Variants in DIAPH3 observed in about 807,000 individuals in gnomAD.
DIAPH3 encodes the protein diaphanous related formin 3.
Under a neutral mutation model 144.3 loss-of-function variants are expected in DIAPH3, and 117 were observed. That is an observed-to-expected ratio of 0.81 (90% confidence interval 0.70 to 0.95). The LOEUF is 0.95. Among genes scored for constraint, DIAPH3 ranks in the 40% least tolerant of loss-of-function variants. The pLI is 0.00. For synonymous variants in DIAPH3, 519 were observed against 488.9 expected, an observed-to-expected ratio of 1.06 and a Z score of -0.81; for missense variants, 1,421 against 1,412.7, an observed-to-expected ratio of 1.01 and a Z score of -0.09.
At chr13:59,708,741 T>C (rs1209144056) in intron 27 of DIAPH3, among the ~76,000 whole-genome samples, 1 of 152,190 alleles carries the variant, frequency 6.6e-6, no homozygotes, top group African/African-American at 2.4e-5. Context: ...ATTTACCTAC[T>C]GGCAATCCCC....
intron 4 of DIAPH3, among the ~76,000 whole-genome samples, chr13:60,052,121 T>C (rs2056374807): frequency 6.6e-6 from 1 of 152,008 alleles, no homozygotes; most frequent in East Asian, 1.9e-4. Flanking sequence ...AACAAACTGA[T>C]GGTATGTGTG....
chr13:59,918,372 A>G (rs1254276429), intron 18 of DIAPH3, among the ~76,000 whole-genome samples: 1 of 152,144 alleles, frequency 6.6e-6, no homozygotes, highest in African/African-American at 2.4e-5. Flanking sequence ...ATCTAGACTG[A>G]CACTGGTACC....
At chr13:59,935,244 A>G (rs577644296) in intron 17 of DIAPH3, among the ~76,000 whole-genome samples, 2 of 152,300 alleles carry the variant, frequency 1.3e-5, no homozygotes, top group African/African-American at 4.8e-5. Context: ...GGATTTTAGT[A>G]TCTGTTGGGT....
At chr13:60,130,200 A>G (rs1432685844) in intron 2 of DIAPH3, among the ~76,000 whole-genome samples, 1 of 152,218 alleles carries the variant, frequency 6.6e-6, no homozygotes, top group East Asian at 1.9e-4. Context: ...AACAATGAAT[A>G]AGAAAGAATT....
chr13:59,820,078 A>G (rs993656326), intron 24 of DIAPH3, among the ~76,000 whole-genome samples: 1 of 151,974 alleles, frequency 6.6e-6, no homozygotes, highest in Non-Finnish European at 1.5e-5. Context: ...TTATTATTAC[A>G]GTACCATTAA....
At chr13:59,879,106 G>A in intron 21 of DIAPH3, 123 bp downstream of exon 21, 1 of 1,382,226 alleles carries the variant, frequency 7.2e-7, no homozygotes, top group Non-Finnish European at 9.8e-7. Context: ...TGAGTTCATG[G>A]TTCAGTTCAA....
At chr13:59,828,660 A>T (rs1304377571) in intron 24 of DIAPH3, among the ~76,000 whole-genome samples, 1 of 150,204 alleles carries the variant, frequency 6.7e-6, no homozygotes, top group East Asian at 2.0e-4. Context: ...CTGAAAGACG[A>T]GGTGGGACAC....
At chr13:60,102,257 A>T (rs1323097337) in intron 3 of DIAPH3, among the ~76,000 whole-genome samples, 1 of 152,184 alleles carries the variant, frequency 6.6e-6, no homozygotes, top group African/African-American at 2.4e-5. Flanking sequence ...CAGTTGGTTG[A>T]GTATCAATAT....
intron 17 of DIAPH3, among the ~76,000 whole-genome samples, chr13:59,931,668 A>G (rs1262358281): frequency 1.3e-5 from 2 of 152,196 alleles, no homozygotes; most frequent in Non-Finnish European, 2.9e-5. Context: ...ACTTGTGTGT[A>G]TGTATGTATG....
intron 9 of DIAPH3, among the ~76,000 whole-genome samples, chr13:60,004,242 C>T (rs748380752): frequency 9.2e-5 from 14 of 152,082 alleles, no homozygotes; most frequent in South Asian, 2.1e-4. Context: ...TTTAATAATG[C>T]AATTTATTAA....
intron 17 of DIAPH3, among the ~76,000 whole-genome samples, chr13:59,953,999 C>T (rs746130846): frequency 2.6e-5 from 4 of 152,176 alleles, no homozygotes; most frequent in Non-Finnish European, 5.9e-5. Context: ...GGAGATGTAA[C>T]TGTGCTGTAT....
chr13:60,076,913 GTA>G (rs1267525511), intron 4 of DIAPH3, among the ~76,000 whole-genome samples: 15 of 152,066 alleles, frequency 9.9e-5, no homozygotes, highest in African/African-American at 3.6e-4. Context: ...TATATCAGAA[GTA>G]TTACTTCTAT....
In DIAPH3 at chr13:60,010,653, A is replaced by ATTCT; in HGVS notation, c.784_787dup (p.Ile263LysfsTer5). 6.2e-7 allele frequency: 1 copy of ATTCT among 1,613,664 alleles called. No homozygotes were observed. Among genetic ancestry groups the ATTCT allele is most frequent in the Non-Finnish European group, 8.5e-7 (1 of 1,179,744 alleles). On this transcript the variant is annotated frameshift_variant, in exon 8 of 28. Coordinates refer to ENST00000400324, the MANE Select transcript of DIAPH3 (RefSeq NM_001042517.2). LOFTEE classifies it high-confidence loss of function. ...GGAAAGGCTCCTCTCCTCACTCATAATTCTTTCCAAGCCATACTATAATAT... is the reference window on the plus strand; with the variant it reads ...GGAAAGGCTCCTCTCCTCACTCATAATTCTTTCTTTCCAAGCCATACTATAATAT...
intron 20 of DIAPH3, among the ~76,000 whole-genome samples, chr13:59,880,934 T>C (rs1289185811): frequency 6.9e-6 from 1 of 145,962 alleles, no homozygotes; most frequent in Admixed American, 7.1e-5. Flanking sequence ...CGTCTTCATA[T>C]TCCACTGTCT....
At chr13:59,940,153 T>G (rs1024136199) in intron 17 of DIAPH3, among the ~76,000 whole-genome samples, 1 of 152,156 alleles carries the variant, frequency 6.6e-6, no homozygotes, top group Non-Finnish European at 1.5e-5. Context: ...AGAGCTGTAT[T>G]GTGAAATGGG....
intron 18 of DIAPH3, among the ~76,000 whole-genome samples, chr13:59,924,550 G>T (rs1463803404): frequency 2.0e-5 from 3 of 150,278 alleles, no homozygotes; most frequent in Non-Finnish European, 3.0e-5. Flanking sequence ...ATGAAAGGTA[G>T]AATTTCATTT....
intron 4 of DIAPH3, among the ~76,000 whole-genome samples, chr13:60,056,923 T>C (rs2056581621): frequency 6.6e-6 from 1 of 151,866 alleles, no homozygotes; most frequent in Non-Finnish European, 1.5e-5. Flanking sequence ...ATTGTGCAAT[T>C]TAAAATGATA....
rs372253530 is a variant in DIAPH3, at chr13:59,992,462, A to G, written c.1125+11T>C. ...ATTTAAATATTAATAAGGAGACTGC[A>G]GGGCACTTACTGGCAATATCTCTTT... On this transcript the variant is annotated intron_variant, in intron 10 of 27. Transcript: ENST00000400324. 4 of 1,597,900 alleles carry G rather than the reference A, an allele frequency of 2.5e-6. No individual in the cohort carries two copies. In the African/African-American group the frequency reaches 5.4e-5, roughly 21 times the overall value.
intron 27 of DIAPH3, among the ~76,000 whole-genome samples, chr13:59,696,852 C>T (rs936633200): frequency 6.6e-6 from 1 of 151,956 alleles, no homozygotes; most frequent in South Asian, 2.1e-4. Context: ...CATGTATTTG[C>T]TTCTGCTTGC....
Sources: allele counts gnomAD v4.1 joint callset (sites outside exome capture counted in the v4.1 genomes callset), GRCh38; gene constraint gnomAD v4.1.1; transcripts MANE v1.5; gene names NCBI Gene and HGNC (gene_info 2026-07-23, HGNC 2026-07-21).